The following CDH4 variants were observed in gnomAD, a reference collection of about 807,000 sequenced individuals.
CDH4 encodes the protein cadherin 4.
In CDH4, 33 loss-of-function variants were observed where a neutral mutation model predicts 86.0. The observed-to-expected ratio is 0.38, with a 90% CI of 0.29 to 0.51. CDH4 has a LOEUF of 0.51. Among genes scored for constraint, CDH4 ranks in the 20% least tolerant of loss-of-function variants. The probability of loss-of-function intolerance (pLI) is 0.86; values close to 1 mark genes in which losing one functional copy is unlikely to be tolerated. For missense variants in CDH4, 1,114 were observed against 1,307.4 expected (o/e 0.85, Z 2.28); for synonymous variants, 555 against 549.4 (o/e 1.01, Z -0.14).
intron 2 of CDH4, among the ~76,000 whole-genome samples, chr20:61,303,293 G>A (rs1367701581): frequency 6.6e-6 from 1 of 152,218 alleles, no homozygotes; most frequent in East Asian, 1.9e-4. Context: ...GGCGATATTA[G>A]CCATGAGCTG....
In CDH4 at chr20:61,298,575, G is replaced by A. The variant is rs189662407; in HGVS notation, c.169+43638G>A. 1.4e-4 allele frequency among the ~76,000 whole-genome samples: 22 copies of A among 152,064 alleles called. No individual in the cohort carries two copies. In the East Asian group the frequency reaches 4.1e-3, roughly 28 times the overall value. On this transcript the variant is annotated intron_variant, in intron 2 of 15. Transcript: ENST00000614565. ...GGGCTGCAGGTACCCTGAGGCCCTG[G>A]GACTCTGTGTTTTTCTGTGGTTACC...
At chr20:61,587,790 T>C (rs1376670144) in intron 2 of CDH4, among the ~76,000 whole-genome samples, 1 of 152,184 alleles carries the variant, frequency 6.6e-6, no homozygotes, top group African/African-American at 2.4e-5. Flanking sequence ...ACTTTCACTA[T>C]TATTTATTGT....
At chr20:61,699,409 G>T (rs1025602299) in intron 2 of CDH4, among the ~76,000 whole-genome samples, 4 of 152,206 alleles carry the variant, frequency 2.6e-5, no homozygotes, top group African/African-American at 9.6e-5. Flanking sequence ...CGGTTGCCAG[G>T]TCAGCGGGCA....
chr20:61,910,617 C>A lies in CDH4; in HGVS notation c.1374+10C>A. 1 of 1,607,916 alleles carries A rather than the reference C, an allele frequency of 6.2e-7. No homozygotes were observed. Among genetic ancestry groups the A allele is most frequent in the Non-Finnish European group, 8.5e-7 (1 of 1,175,232 alleles). Reference sequence around the variant, plus strand: ...GGTCACCGTGGTGAAGGTGCGTACTCTTCTCACACCCTGCCAGGCACCCCA... The same window carrying A: ...GGTCACCGTGGTGAAGGTGCGTACTATTCTCACACCCTGCCAGGCACCCCA... On this transcript the variant is annotated intron_variant, in intron 9 of 15. Coordinates refer to ENST00000614565, the MANE Select transcript of CDH4 (RefSeq NM_001794.5).
chr20:61,405,278 AT>A (rs1483105571), intron 2 of CDH4, among the ~76,000 whole-genome samples: 2 of 150,102 alleles, frequency 1.3e-5, no homozygotes, highest in African/African-American at 4.9e-5. Flanking sequence ...TGATTCCGTA[AT>A]CCCCCTCCTG....
At chr20:61,345,018 C>T (rs1351856595) in intron 2 of CDH4, among the ~76,000 whole-genome samples, 1 of 152,198 alleles carries the variant, frequency 6.6e-6, no homozygotes, top group Non-Finnish European at 1.5e-5. Flanking sequence ...AAGGTCAAGT[C>T]CAAGGTAGAG....
At chr20:61,565,289 A>AGG (rs2086277938) in intron 2 of CDH4, among the ~76,000 whole-genome samples, 1 of 18,610 alleles carries the variant, frequency 5.4e-5, no homozygotes, top group African/African-American at 2.9e-4. Flanking sequence ...TGATGGGGTG[A>AGG]TGGTGGTGGC....
At position 61,534,818 on chromosome 20, in the gene CDH4, C is replaced by T. The variant is rs563997161; in HGVS notation, c.170-208745C>T. On this transcript the variant is annotated intron_variant, in intron 2 of 15. Coordinates refer to ENST00000614565, the MANE Select transcript of CDH4 (RefSeq NM_001794.5). ...TGTTCATCCTCAACCCGACGGCCTC[C>T]CTTGCTGGGACGCTCCTTTGGAGCA... Among the ~76,000 whole-genome samples, 28 of 126,520 alleles carry T rather than the reference C, an allele frequency of 2.2e-4. No individual in the cohort carries two copies. In the South Asian group the frequency reaches 6.7e-3, roughly 30 times the overall value. The allele number at this position is 126,520 out of a possible 152,430, so 83.0% of individuals were successfully genotyped here.
intron 2 of CDH4, among the ~76,000 whole-genome samples, chr20:61,550,728 A>G (rs1209177232): frequency 6.6e-6 from 1 of 152,180 alleles, no homozygotes; most frequent in South Asian, 2.1e-4. Context: ...CTTGCAGTGC[A>G]GAGAGCCACA....
intron 2 of CDH4, among the ~76,000 whole-genome samples, chr20:61,275,833 T>A (rs1252876852): frequency 1.3e-5 from 2 of 152,170 alleles, no homozygotes; most frequent in East Asian, 3.8e-4. Flanking sequence ...ATCTACTGAT[T>A]TGCTAACATA....
intron 2 of CDH4, among the ~76,000 whole-genome samples, chr20:61,454,724 C>T (rs1019860347): frequency 4.6e-5 from 7 of 152,182 alleles, no homozygotes. Context: ...AGATTACAGG[C>T]ATGAGCCACC....
intron 4 of CDH4, among the ~76,000 whole-genome samples, chr20:61,786,200 C>T (rs1180795747): frequency 1.3e-5 from 2 of 152,134 alleles, no homozygotes; most frequent in African/African-American, 2.4e-5. Flanking sequence ...AACAGCGTGG[C>T]ACTTCCATTG....
chr20:61,838,127 G>T (rs1981963727), intron 4 of CDH4, among the ~76,000 whole-genome samples: 1 of 142,064 alleles, frequency 7.0e-6, no homozygotes. Context: ...TGGGTGACTG[G>T]GGCCGTCTAC....
At chr20:61,323,812 C>T (rs1056822244) in intron 2 of CDH4, among the ~76,000 whole-genome samples, 4 of 152,146 alleles carry the variant, frequency 2.6e-5, no homozygotes, top group African/African-American at 9.7e-5. Flanking sequence ...TTTGTTTTAG[C>T]TCTTGAGAGC....
chr20:61,629,208 G>A (rs2086860126), intron 2 of CDH4, among the ~76,000 whole-genome samples: 1 of 152,154 alleles, frequency 6.6e-6, no homozygotes, highest in Non-Finnish European at 1.5e-5. Context: ...ATGGCCACTG[G>A]AAGGCCAGGC....
intron 2 of CDH4, among the ~76,000 whole-genome samples, chr20:61,352,153 C>T (rs1568809429): frequency 2.0e-5 from 3 of 152,184 alleles, no homozygotes; most frequent in South Asian, 2.1e-4. Flanking sequence ...GCCCTCACTA[C>T]CCTTCCCAGC....
In CDH4 at chr20:61,882,605, C is replaced by T. The variant is rs191406366; in HGVS notation, c.1050+8705C>T. Among the ~76,000 whole-genome samples, 396 of 152,264 alleles carry T rather than the reference C, an allele frequency of 2.6e-3. 2 individuals carry two copies. Among genetic ancestry groups the T allele is most frequent in the Middle Eastern group, 0.024 (7 of 294 alleles). On this transcript the variant is annotated intron_variant, in intron 7 of 15. Transcript: ENST00000614565. ...CCCGGGGGGTGCAGCCCCTCCCTCC[C>T]GGGGTTCCGACGCCAGGCCCAGGAT...
intron 2 of CDH4, among the ~76,000 whole-genome samples, chr20:61,476,114 G>A (rs1021013619): frequency 6.6e-6 from 1 of 152,196 alleles, no homozygotes; most frequent in Non-Finnish European, 1.5e-5. Flanking sequence ...GACACGCGGT[G>A]GTTCTCCTGT....
intron 2 of CDH4, among the ~76,000 whole-genome samples, chr20:61,422,451 AAAAAAAAAAAAAAAAAC>A (rs1286857239): frequency 0.015 from 1,381 of 94,352 alleles, 98 homozygotes; most frequent in Admixed American, 0.023. Context: ...AAAAAAAAAA[AAAAAAAAAAAAAAAAAC>A]CAAATCTCCC....
Sources: gnomAD v4.1 joint callset for allele counts (sites outside exome capture counted in the v4.1 genomes callset) on GRCh38, gnomAD v4.1.1 for gene constraint, MANE v1.5 for transcripts, NCBI Gene and HGNC (gene_info 2026-07-23, HGNC 2026-07-21) for gene names.